HORMAD2: variants seen among roughly 807,000 people sequenced by gnomAD.
HORMAD2 encodes HORMA domain containing 2.
A neutral mutation model predicts 38.8 loss-of-function variants in HORMAD2; 45 were observed. The observed-to-expected ratio is 1.16, with a 90% CI of 0.91 to 1.49. HORMAD2 has a LOEUF of 1.49. HORMAD2 is among the 40% of genes most tolerant of loss of function. The pLI is 0.00. For missense variants in HORMAD2, 338 were observed against 367.0 expected (o/e 0.92, Z 0.65); for synonymous variants, 126 against 122.8 (o/e 1.03, Z -0.17).
chr22:30,195,561 C>T, the HORMAD2 span, among the ~76,000 whole-genome samples: 1 of 152,192 alleles, frequency 6.6e-6, no homozygotes, highest in Non-Finnish European at 1.5e-5. Flanking sequence ...CAAAGGATAC[C>T]TCAACTAGGA....
At chr22:30,094,773 G>T (rs553639496) in intron 2 of HORMAD2, among the ~76,000 whole-genome samples, 2 of 152,270 alleles carry the variant, frequency 1.3e-5, no homozygotes, top group East Asian at 3.9e-4. Context: ...GCGTAGAGGG[G>T]AGAGAATTCC....
chr22:30,089,662 A>G (rs1464519780), intron 1 of HORMAD2, among the ~76,000 whole-genome samples: 4 of 152,038 alleles, frequency 2.6e-5, no homozygotes, highest in African/African-American at 9.7e-5. Flanking sequence ...CTTCTTTTTT[A>G]TATCAACAAA....
the HORMAD2 span, among the ~76,000 whole-genome samples, chr22:30,202,664 G>C: frequency 1.3e-5 from 2 of 152,094 alleles, no homozygotes; most frequent in Non-Finnish European, 2.9e-5. Flanking sequence ...GTAACTGCTC[G>C]GGCCAGAGCC....
intron 1 of HORMAD2, among the ~76,000 whole-genome samples, chr22:30,090,864 G>A (rs1305845950): frequency 1.3e-5 from 2 of 152,128 alleles, no homozygotes; most frequent in Non-Finnish European, 2.9e-5. Context: ...TCTTTGTGTT[G>A]AACTATTTTA....
At chr22:30,109,035 CTT>C (rs952075292) in intron 5 of HORMAD2, among the ~76,000 whole-genome samples, 4 of 133,264 alleles carry the variant, frequency 3.0e-5, no homozygotes, top group Non-Finnish European at 4.9e-5. Flanking sequence ...TTCCTTTCTT[CTT>C]TTTTTTTTTT....
chr22:30,101,588 T>TA (rs35366560), intron 3 of HORMAD2, among the ~76,000 whole-genome samples: 206 of 139,580 alleles, frequency 1.5e-3, no homozygotes, highest in Admixed American at 1.9e-3. Context: ...CTTAAAGTAT[T>TA]AAAAAAAAAA....
At chr22:30,159,469 T>C (rs1053747839) in intron 10 of HORMAD2, among the ~76,000 whole-genome samples, 3 of 152,258 alleles carry the variant, frequency 2.0e-5, no homozygotes, top group Non-Finnish European at 4.4e-5. Context: ...AACATATTTG[T>C]ATATTCCAAA....
chr22:30,126,861 G>A (rs758980238), intron 10 of HORMAD2, among the ~76,000 whole-genome samples: 1 of 152,248 alleles, frequency 6.6e-6, no homozygotes, highest in Admixed American at 6.5e-5. Flanking sequence ...GTTTTCCATC[G>A]TTAAGATTTT....
At chr22:30,130,586 C>CTTTTTTTTTTTTTT (rs66636269) in intron 10 of HORMAD2, among the ~76,000 whole-genome samples, 4 of 87,902 alleles carry the variant, frequency 4.6e-5, no homozygotes, top group Non-Finnish European at 6.8e-5. Context: ...CTTTTCTTTT[C>CTTTTTTTTTTTTTT]TTTTTTTTTT....
At chr22:30,192,852 A>G in the HORMAD2 span, among the ~76,000 whole-genome samples, 51 of 152,158 alleles carry the variant, frequency 3.4e-4, no homozygotes, top group Non-Finnish European at 1.3e-4. Context: ...GTGATGGATC[A>G]ATGGCAGGAT....
upstream of HORMAD2, chr22:30,080,231 G>A: frequency 6.6e-6 from 1 of 152,558 alleles, no homozygotes; most frequent in Non-Finnish European, 1.5e-5. Context: ...GGGTCAGTGT[G>A]CAGCCCGTGG....
intron 10 of HORMAD2, among the ~76,000 whole-genome samples, chr22:30,148,444 G>T (rs1924552348): frequency 1.3e-5 from 2 of 152,126 alleles, no homozygotes; most frequent in African/African-American, 4.8e-5. Flanking sequence ...TTTATATCTT[G>T]ATTGTGGTGG....
chr22:30,106,385 T>C (rs1194465990), intron 5 of HORMAD2, among the ~76,000 whole-genome samples: 1 of 152,148 alleles, frequency 6.6e-6, no homozygotes, highest in Non-Finnish European at 1.5e-5. Context: ...ACCCCTATAA[T>C]GCTCATTAGA....
intron 10 of HORMAD2, chr22:30,137,825 G>A (rs1923775516): frequency 6.6e-6 from 1 of 152,190 alleles, no homozygotes; most frequent in South Asian, 2.1e-4. Context: ...ATTAGTGATG[G>A]GCATTTGGGT....
At chr22:30,132,827 C>T (rs1156351567) in intron 10 of HORMAD2, among the ~76,000 whole-genome samples, 1 of 151,778 alleles carries the variant, frequency 6.6e-6, no homozygotes, top group African/African-American at 2.4e-5. Flanking sequence ...TAGGAAGAGC[C>T]ACACTGATTA....
At chr22:30,202,919 G>T in the HORMAD2 span, among the ~76,000 whole-genome samples, 1 of 152,202 alleles carries the variant, frequency 6.6e-6, no homozygotes, top group African/African-American at 2.4e-5. Context: ...CTGAGATAGG[G>T]GAGAGCCACT....
chr22:30,157,209 A>G lies in HORMAD2; in HGVS notation c.820-18854A>G, dbSNP rs907789141. Among the ~76,000 whole-genome samples, 10 of 152,282 alleles carry G rather than the reference A, an allele frequency of 6.6e-5. No individual in the cohort carries two copies. The East Asian group carries it at 7.7e-4, about 12-fold the overall frequency. On this transcript the variant is annotated intron_variant, in intron 10 of 10. Transcript: ENST00000336726. ...GTGGGTCAGATTAGCTTTACAGTCC[A>G]CTTACAAGGAGACTAACAAAGCTCC...
intron 10 of HORMAD2, among the ~76,000 whole-genome samples, chr22:30,146,695 C>A (rs1410538273): frequency 1.3e-5 from 2 of 151,932 alleles, no homozygotes; most frequent in Non-Finnish European, 2.9e-5. Flanking sequence ...GTCCCACCAG[C>A]TAATTAAGGT....
chr22:30,081,943 T>G (rs1219172477), intron 1 of HORMAD2, among the ~76,000 whole-genome samples: 3 of 152,108 alleles, frequency 2.0e-5, no homozygotes, highest in East Asian at 3.8e-4. Context: ...GCATTAATAT[T>G]TGTATACAGT....
Sources: gnomAD v4.1 joint callset for allele counts (sites outside exome capture counted in the v4.1 genomes callset) on GRCh38, gnomAD v4.1.1 for gene constraint, MANE v1.5 for transcripts, NCBI Gene and HGNC (gene_info 2026-07-23, HGNC 2026-07-21) for gene names.